SLIT2: variants seen among roughly 807,000 people sequenced by gnomAD.
SLIT2 encodes the protein slit guidance ligand 2.
In SLIT2, 41 loss-of-function variants were observed where a neutral mutation model predicts 185.7. The ratio of observed to expected loss-of-function variants is 0.22; its 90% CI spans 0.17 to 0.29. The LOEUF is 0.29. Ranked by LOEUF, SLIT2 falls within the 10% of genes least tolerant of loss-of-function variation. SLIT2 has a pLI of 1.00. For synonymous variants in SLIT2, 693 were observed against 680.2 expected (o/e 1.02, Z -0.29); for missense variants, 1,571 against 1,909.0 (o/e 0.82, Z 3.30).
At position 20,514,869 on chromosome 4, in the gene SLIT2, CA is replaced by C. The variant is rs200592528; in HGVS notation, c.1058+3738del. On this transcript the variant is annotated intron_variant, in intron 11 of 36. Coordinates refer to ENST00000504154, the MANE Select transcript of SLIT2 (RefSeq NM_004787.4). Reference sequence around the variant, plus strand: ...TATAATATGCAATATATTAACAAAACAAAAAACATTCATGTCGTTTTCAGGG... The same window carrying C: ...TATAATATGCAATATATTAACAAAACAAAAACATTCATGTCGTTTTCAGGG... 6.0e-3 allele frequency among the ~76,000 whole-genome samples: 904 copies of C among 151,670 alleles called. 9 individuals are homozygous for C. Among genetic ancestry groups the C allele is most frequent in the African/African-American group, 0.021 (852 of 41,400 alleles).
intron 4 of SLIT2, among the ~76,000 whole-genome samples, chr4:20,362,153 CTGAGGTAGG>C (rs1722790625): frequency 6.6e-6 from 1 of 152,058 alleles, no homozygotes; most frequent in African/African-American, 2.4e-5. Context: ...GGCCTTTTTC[CTGAGGTAGG>C]TGAGAGTGCC....
chr4:20,571,187 A>G (rs2148919783), intron 29 of SLIT2, among the ~76,000 whole-genome samples: 2 of 152,298 alleles, frequency 1.3e-5, no homozygotes, highest in Admixed American at 6.5e-5. Flanking sequence ...TGCCATGAGT[A>G]TCTGTCAAGA....
In SLIT2 at chr4:20,319,603, A is replaced by ACACAAGG. The variant is rs1414981076; in HGVS notation, c.395+50722_395+50723insCACAAGG. ...ATTTGTGTGGCTTTTAAGTAATTCC[A>ACACAAGG]GTATGGAATTCCACAAGGGTCAAGA... On this transcript the variant is annotated intron_variant, in intron 4 of 36. Coordinates refer to ENST00000504154, the MANE Select transcript of SLIT2 (RefSeq NM_004787.4). Among the ~76,000 whole-genome samples, 26 of 152,302 alleles carry ACACAAGG rather than the reference A, an allele frequency of 1.7e-4. No individual in the cohort carries two copies. The East Asian group carries it at 4.4e-3, about 26-fold the overall frequency.
chr4:20,348,705 A>G (rs1721637079), intron 4 of SLIT2, among the ~76,000 whole-genome samples: 1 of 152,180 alleles, frequency 6.6e-6, no homozygotes, highest in Non-Finnish European at 1.5e-5. Context: ...TGACTGGAAT[A>G]TAAGTGCTCT....
At chr4:20,593,546 A>C (rs959954941) in intron 30 of SLIT2, among the ~76,000 whole-genome samples, 1 of 152,084 alleles carries the variant, frequency 6.6e-6, no homozygotes, top group Non-Finnish European at 1.5e-5. Flanking sequence ...AGTTCTAGAG[A>C]TCTAATATCA....
rs1234463726 is a variant in SLIT2 at position 20,617,739 on chromosome 4, A to G, written c.4348+89A>G. On this transcript the variant is annotated intron_variant, in intron 36 of 36. Coordinates refer to ENST00000504154, the MANE Select transcript of SLIT2 (RefSeq NM_004787.4). Reference sequence around the variant, plus strand: ...AAAGAGAGGGAGAAAAAGTGAAAAAAAAAAAAAAAACAGGAGCAACAGAGA... The same window carrying G: ...AAAGAGAGGGAGAAAAAGTGAAAAAGAAAAAAAAAACAGGAGCAACAGAGA... 3.5e-6 allele frequency: 3 copies of G among 856,092 alleles called. No individual in the cohort carries two copies. In the African/African-American group the frequency reaches 5.1e-5, roughly 15 times the overall value. The allele number at this position is 856,092 out of a possible 1,614,324, so 53.0% of individuals were successfully genotyped here.
At chr4:20,481,297 G>C (rs1177259315) in intron 6 of SLIT2, among the ~76,000 whole-genome samples, 1 of 152,070 alleles carries the variant, frequency 6.6e-6, no homozygotes, top group African/African-American at 2.4e-5. Flanking sequence ...CACTGACTTT[G>C]TAATGTACAA....
At position 20,346,290 on chromosome 4, in the gene SLIT2, C is replaced by T. The variant is rs905109735; in HGVS notation, c.395+77409C>T. ...AGATTACAGGCATGAGCCATCACTC[C>T]GGGCCACTCTTGATATTTTGGACCA... On this transcript the variant is annotated intron_variant, in intron 4 of 36. Transcript: ENST00000504154. 5.9e-5 allele frequency among the ~76,000 whole-genome samples: 9 copies of T among 152,148 alleles called. No homozygotes were observed. In the East Asian group the frequency reaches 9.6e-4, roughly 16 times the overall value.
intron 4 of SLIT2, among the ~76,000 whole-genome samples, chr4:20,386,962 C>T (rs1195319303): frequency 1.3e-5 from 2 of 152,160 alleles, no homozygotes; most frequent in Non-Finnish European, 2.9e-5. Context: ...GGGGATTCCT[C>T]TCAGTATGAT....
intron 24 of SLIT2, 52 bp from the exon 25 acceptor site, chr4:20,550,775 T>C: frequency 1.8e-6 from 2 of 1,090,144 alleles, no homozygotes; most frequent in East Asian, 4.7e-5. Flanking sequence ...TTCTCTGGAG[T>C]CTATGAGTTC....
At position 20,254,128 on chromosome 4, in the gene SLIT2, GT is replaced by G; in HGVS notation, c.179+136del. On this transcript the variant is annotated intron_variant, in intron 1 of 36. Transcript: ENST00000504154. This position sits in a 1 kb window ranked among gnomAD's most constrained non-coding sequence, Gnocchi z 5.1. ...AGCTCTCCCCCATGCACATCCTGGG[GT>G]TGAGCTCTCCGGGAGGGCACTGGCC... The G allele has an allele frequency of 1.1e-6, 1 of 908,332 alleles. No individual in the cohort carries two copies. Among genetic ancestry groups the G allele is most frequent in the Admixed American group, 2.5e-5 (1 of 39,914 alleles). The allele number at this position is 908,332 out of a possible 1,614,324, so 56.3% of individuals were successfully genotyped here. A position where few individuals can be genotyped will look rare whatever the true frequency, so the allele number is the denominator to read the frequency against.
rs1294494663 is a variant in SLIT2, at chr4:20,584,161, C to T, written c.3089-5483C>T. ...TTTTAGAGCCACAGTTAACCTTACA[C>T]ATCTCTAATTCCAGAGCCTCAGTTT... On this transcript the variant is annotated intron_variant, in intron 29 of 36. Coordinates refer to ENST00000504154, the MANE Select transcript of SLIT2 (RefSeq NM_004787.4). Among the ~76,000 whole-genome samples the T allele has an allele frequency of 2.0e-5, 3 of 152,256 alleles. No individual in the cohort carries two copies. The East Asian group carries it at 5.8e-4, about 29-fold the overall frequency.
intron 30 of SLIT2, among the ~76,000 whole-genome samples, chr4:20,595,225 G>A (rs1277730694): frequency 5.3e-5 from 8 of 152,034 alleles, no homozygotes; most frequent in Non-Finnish European, 1.2e-4. Context: ...TTGTTCTGAT[G>A]TATCTAGTCT....
intron 4 of SLIT2, among the ~76,000 whole-genome samples, chr4:20,323,311 G>A (rs1296500180): frequency 6.6e-6 from 1 of 152,160 alleles, no homozygotes; most frequent in Admixed American, 6.5e-5. Context: ...TAGTTGAAGA[G>A]AAAAGAGTGG....
intron 4 of SLIT2, among the ~76,000 whole-genome samples, chr4:20,279,138 A>G (rs1250343170): frequency 1.3e-5 from 2 of 152,310 alleles, no homozygotes; most frequent in East Asian, 3.9e-4. Flanking sequence ...GCTAACAAAT[A>G]TATTTGACAG....
At chr4:20,461,473 T>C (rs1346061989) in intron 4 of SLIT2, among the ~76,000 whole-genome samples, 1 of 152,194 alleles carries the variant, frequency 6.6e-6, no homozygotes, top group Non-Finnish European at 1.5e-5. Flanking sequence ...CACTTTGAGC[T>C]TTCCTTTGTA....
chr4:20,262,898 G>A (rs1344379991), intron 3 of SLIT2, among the ~76,000 whole-genome samples: 2 of 151,790 alleles, frequency 1.3e-5, no homozygotes, highest in East Asian at 3.9e-4. Context: ...TTTAATGGTG[G>A]TGAGAAGGCC....
chr4:20,350,900 T>A (rs1721816591), intron 4 of SLIT2, among the ~76,000 whole-genome samples: 1 of 152,200 alleles, frequency 6.6e-6, no homozygotes. Flanking sequence ...GCGTATTCTT[T>A]CTATTAAATT....
At chr4:20,429,867 G>C (rs563103808) in intron 4 of SLIT2, among the ~76,000 whole-genome samples, 3 of 152,154 alleles carry the variant, frequency 2.0e-5, no homozygotes, top group Non-Finnish European at 2.9e-5. Context: ...AGGTCTACTC[G>C]ATCTCTTTAG....
Sources: gnomAD v4.1 joint callset for allele counts (sites outside exome capture counted in the v4.1 genomes callset) on GRCh38, gnomAD v4.1.1 for gene constraint, Gnocchi (gnomAD v3.1) non-coding constraint, MANE v1.5 for transcripts, NCBI Gene and HGNC (gene_info 2026-07-23, HGNC 2026-07-21) for gene names.